Variants in RYR2 observed in about 807,000 individuals in gnomAD.
The protein encoded by RYR2 is ryanodine receptor 2, also known as cardiac muscle ryanodine receptor-calcium release channel.
Under a neutral mutation model 601.1 loss-of-function variants are expected in RYR2, and 227 were observed. That is an observed-to-expected ratio of 0.38 (90% CI 0.34 to 0.42). The LOEUF (loss-of-function observed/expected upper bound fraction) is 0.42. Among genes scored for constraint, RYR2 ranks in the 10% least tolerant of loss-of-function variants. RYR2 has a pLI of 1.00. For missense variants in RYR2, 4,646 were observed against 6,156.5 expected (o/e 0.75, Z 8.21); for synonymous variants, 2,223 against 2,175.1 (o/e 1.02, Z -0.61).
intron 51 of RYR2, 72 bp downstream of exon 51, chr1:237,651,573 C>G: frequency 2.1e-6 from 2 of 955,694 alleles, no homozygotes; most frequent in South Asian, 3.0e-5. Context: ...ACAACATATA[C>G]ATTTCTTAGA....
chr1:237,461,769 G>T (rs1287466239), intron 16 of RYR2, among the ~76,000 whole-genome samples: 1 of 151,202 alleles, frequency 6.6e-6, no homozygotes, highest in Non-Finnish European at 1.5e-5. Flanking sequence ...CAAATGAAGA[G>T]AATCTCTTCC....
At chr1:237,630,726 A>G (rs769040519) in intron 41 of RYR2, among the ~76,000 whole-genome samples, 12 of 152,174 alleles carry the variant, frequency 7.9e-5, no homozygotes, top group Non-Finnish European at 1.6e-4. Context: ...TTTCTCCTGA[A>G]CATTATGACC....
Position 237,500,719 on chromosome 1 carries a change from G to T in RYR2, c.2212G>T (p.Ala738Ser). The T allele has an allele frequency of 6.2e-7, 1 of 1,607,156 alleles. No individual in the cohort carries two copies. Among genetic ancestry groups the T allele is most frequent in the South Asian group, 1.1e-5 (1 of 90,532 alleles). ...TGTTTTCCCCCCAATAGGTTGTATT[G>T]CTCGTACTGTAAGCTCACCAAACCA... ...DGLHLWSGCI[A>S]RTVSSPNQHL... Residue 738 changes from alanine to serine, a missense_variant, in exon 21 of 105, where the codon GCT (alanine) becomes TCT (serine). Physicochemically the swap from Ala to Ser is moderately conservative, Grantham distance 99. Transcript: ENST00000366574.
intron 48 of RYR2, among the ~76,000 whole-genome samples, chr1:237,645,908 A>G (rs559780600): frequency 2.8e-4 from 39 of 138,948 alleles, no homozygotes; most frequent in Admixed American, 4.6e-4. Context: ...ACGGAGTCTC[A>G]CTCTGTCGCC....
intron 12 of RYR2, among the ~76,000 whole-genome samples, chr1:237,425,702 A>C (rs1280302318): frequency 6.6e-6 from 1 of 151,840 alleles, no homozygotes; most frequent in Non-Finnish European, 1.5e-5. Flanking sequence ...ACCATCAACA[A>C]AATTGGTCCT....
chr1:237,672,395 A>G (rs1414049465), intron 58 of RYR2, among the ~76,000 whole-genome samples: 1 of 152,220 alleles, frequency 6.6e-6, no homozygotes, highest in Non-Finnish European at 1.5e-5. Flanking sequence ...GCAGTGATGG[A>G]GTTCAAACTA....
At position 237,711,851 on chromosome 1, in the gene RYR2, CTG is replaced by C. The variant is rs1454750551; in HGVS notation, c.10323+16_10323+17del. 1 of 1,125,894 alleles carries C rather than the reference CTG, an allele frequency of 8.9e-7. No individual in the cohort carries two copies. The highest frequency in any genetic ancestry group is 1.5e-5 in the African/African-American group (1 of 65,226). The allele number at this position is 1,125,894 out of a possible 1,614,324, so 69.7% of individuals were successfully genotyped here. ...AAGATGTCAAAGGTATTACTATAAA[CTG>C]TTTCACTGTTCTGGAAAATATCTGA... On this transcript the variant is annotated intron_variant, in intron 71 of 104. Transcript: ENST00000366574.
intron 1 of RYR2, among the ~76,000 whole-genome samples, chr1:237,222,210 C>T (rs967699850): frequency 1.3e-5 from 2 of 151,886 alleles, no homozygotes; most frequent in African/African-American, 2.4e-5. Context: ...GTCAGGAGAT[C>T]GAGACCATAC....
chr1:237,820,062 C>T (rs1662280301), intron 101 of RYR2, among the ~76,000 whole-genome samples: 1 of 151,658 alleles, frequency 6.6e-6, no homozygotes, highest in South Asian at 2.1e-4. Context: ...TGGTGTGAAC[C>T]TATAATCCCA....
chr1:237,331,162 T>C (rs990836489), intron 3 of RYR2, among the ~76,000 whole-genome samples, 180 bp downstream of exon 3: 7 of 152,180 alleles, frequency 4.6e-5, no homozygotes, highest in African/African-American at 1.7e-4. Flanking sequence ...TCTTGAAAAC[T>C]AAAAAAATAT....
chr1:237,136,849 C>T (rs995942038), intron 1 of RYR2, among the ~76,000 whole-genome samples: 1 of 151,810 alleles, frequency 6.6e-6, no homozygotes, highest in African/African-American at 2.4e-5. Flanking sequence ...AACCCCATCT[C>T]TACTAAAAAT....
At chr1:237,412,832 T>A (rs1704581419) in intron 10 of RYR2, among the ~76,000 whole-genome samples, 1 of 152,198 alleles carries the variant, frequency 6.6e-6, no homozygotes, top group African/African-American at 2.4e-5. Flanking sequence ...GGAAAGGGCA[T>A]TTGCTCTGAG....
intron 19 of RYR2, among the ~76,000 whole-genome samples, chr1:237,496,016 G>T (rs1218101155): frequency 1.3e-5 from 2 of 152,184 alleles, no homozygotes; most frequent in Non-Finnish European, 2.9e-5. Flanking sequence ...CTTTCTCTGT[G>T]TACTACCTCA....
intron 6 of RYR2, among the ~76,000 whole-genome samples, chr1:237,370,862 G>A (rs1403570114): frequency 6.6e-6 from 1 of 152,010 alleles, no homozygotes; most frequent in Non-Finnish European, 1.5e-5. Flanking sequence ...GGGTTTCACC[G>A]TGTTAGCCAG....
At chr1:237,799,234 G>A (rs1480093674) in intron 97 of RYR2, among the ~76,000 whole-genome samples, 1 of 152,146 alleles carries the variant, frequency 6.6e-6, no homozygotes, top group Admixed American at 6.5e-5. Flanking sequence ...CCTGTAAAAT[G>A]AAACACCGAT....
intron 1 of RYR2, among the ~76,000 whole-genome samples, chr1:237,246,693 A>G (rs1219672931): frequency 3.3e-5 from 5 of 152,188 alleles, no homozygotes; most frequent in African/African-American, 4.8e-5. Context: ...TAACCTTGGT[A>G]CTTTTACTTA....
intron 74 of RYR2, among the ~76,000 whole-genome samples, chr1:237,725,934 G>A (rs1438855658): frequency 6.6e-6 from 1 of 152,022 alleles, no homozygotes; most frequent in Non-Finnish European, 1.5e-5. Flanking sequence ...TTAAATTGAA[G>A]TATGTTGGGT....
chr1:237,772,762 C>G (rs927241522), intron 86 of RYR2, among the ~76,000 whole-genome samples: 3 of 148,820 alleles, frequency 2.0e-5, no homozygotes, highest in Non-Finnish European at 4.5e-5. Flanking sequence ...AAAATCACAA[C>G]TTTTTTTTTT....
At chr1:237,272,136 A>G (rs1689752378) in intron 2 of RYR2, among the ~76,000 whole-genome samples, 1 of 152,146 alleles carries the variant, frequency 6.6e-6, no homozygotes, top group African/African-American at 2.4e-5. Context: ...TCAAAAAGAA[A>G]AGAAAAAGAA....
Sources: allele counts gnomAD v4.1 joint callset (sites outside exome capture counted in the v4.1 genomes callset), GRCh38; gene constraint gnomAD v4.1.1; transcripts MANE v1.5; gene names NCBI Gene and HGNC (gene_info 2026-07-23, HGNC 2026-07-21).